RUNX2: variants seen among roughly 807,000 people sequenced by gnomAD.
The protein encoded by RUNX2 is runt-related transcription factor 2.
RUNX2 carries 10 observed loss-of-function variants against 51.7 expected under a neutral mutation model. The observed-to-expected ratio is 0.19, with a 90% CI of 0.12 to 0.33. RUNX2 has a LOEUF of 0.33. RUNX2 is among the 10% of genes least tolerant of loss of function. The probability of loss-of-function intolerance (pLI) is 1.00; values close to 1 mark genes in which losing one functional copy is unlikely to be tolerated. For missense variants in RUNX2, 562 were observed against 691.3 expected (o/e 0.81, Z 2.10); for synonymous variants, 276 against 273.6 (o/e 1.01, Z -0.09).
chr6:45,398,033 T>C (rs1358052690), intron 2 of RUNX2, among the ~76,000 whole-genome samples: 1 of 152,184 alleles, frequency 6.6e-6, no homozygotes, highest in Admixed American at 6.5e-5. Context: ...TGTGTGAAAT[T>C]ATTTTCTCCT....
Position 45,548,481 on chromosome 6 carries a change from A to AGTT in RUNX2, c.*1177_*1178insTTG, listed in dbSNP as rs1802470475. 1 of 152,684 alleles carries AGTT rather than the reference A, an allele frequency of 6.5e-6. No homozygotes were observed. Among genetic ancestry groups the AGTT allele is most frequent in the African/African-American group, 2.4e-5 (1 of 41,460 alleles). The allele number at this position is 152,684 out of a possible 1,614,324, so 9.5% of individuals were successfully genotyped here. On this transcript the variant is annotated 3_prime_UTR_variant, in exon 9 of 9. Coordinates refer to ENST00000647337, the MANE Select transcript of RUNX2 (RefSeq NM_001024630.4). ...TCAGATCTTTGAATGCCTCTAACAC[A>AGTT]GCTTTGCCTTCTAAAGCGGTAATTA...
At chr6:45,523,573 C>A (rs956845370) in intron 7 of RUNX2, among the ~76,000 whole-genome samples, 38 of 151,922 alleles carry the variant, frequency 2.5e-4, no homozygotes, top group Admixed American at 4.6e-4. Context: ...GCCCGGCCTG[C>A]ATGATTATTT....
chr6:45,355,019 G>C (rs945901979), intron 2 of RUNX2, among the ~76,000 whole-genome samples: 2 of 152,052 alleles, frequency 1.3e-5, no homozygotes, highest in African/African-American at 2.4e-5. Context: ...CTGTCACCCA[G>C]GCTAAAGTGC....
chr6:45,443,056 T>C (rs1304825790), intron 5 of RUNX2, among the ~76,000 whole-genome samples: 2 of 141,534 alleles, frequency 1.4e-5, no homozygotes, highest in African/African-American at 2.7e-5. Flanking sequence ...TTTTTTTTTT[T>C]TTTTTTTTGA....
intron 7 of RUNX2, among the ~76,000 whole-genome samples, chr6:45,520,790 G>A (rs949984378): frequency 6.6e-6 from 1 of 151,096 alleles, no homozygotes; most frequent in African/African-American, 2.4e-5. Flanking sequence ...GTGTGATCTC[G>A]GCTCACTACA....
intron 2 of RUNX2, among the ~76,000 whole-genome samples, chr6:45,413,193 G>A (rs1284809691): frequency 2.0e-5 from 3 of 152,180 alleles, no homozygotes; most frequent in African/African-American, 4.8e-5. Context: ...TGTTTGCAAT[G>A]TATTTAAATA....
chr6:45,405,654 G>A (rs1312412309), intron 2 of RUNX2, among the ~76,000 whole-genome samples: 1 of 152,140 alleles, frequency 6.6e-6, no homozygotes, highest in Admixed American at 6.5e-5. Context: ...CCGGGCGGTG[G>A]TGGGCGCCTG....
At chr6:45,374,928 C>T (rs1319428048) in intron 2 of RUNX2, among the ~76,000 whole-genome samples, 4 of 152,106 alleles carry the variant, frequency 2.6e-5, no homozygotes, top group Non-Finnish European at 5.9e-5. Flanking sequence ...TATTTCTGGC[C>T]GGGCACGGTG....
At position 45,339,362 on chromosome 6, in the gene RUNX2, G is replaced by A. The variant is rs1278006129; in HGVS notation, c.58+10578G>A. ...CCCTAGATAAATTAGCCAAGATTGTGAGCCAATAGATAGCCAACTTTTAAT... is the reference window on the plus strand; with the variant it reads ...CCCTAGATAAATTAGCCAAGATTGTAAGCCAATAGATAGCCAACTTTTAAT... On this transcript the variant is annotated intron_variant, in intron 2 of 8. Coordinates refer to ENST00000647337, the MANE Select transcript of RUNX2 (RefSeq NM_001024630.4). Among the ~76,000 whole-genome samples, 4 of 152,120 alleles carry A rather than the reference G, an allele frequency of 2.6e-5. No homozygotes were observed. In the East Asian group the frequency reaches 7.7e-4, roughly 29 times the overall value.
intron 5 of RUNX2, among the ~76,000 whole-genome samples, chr6:45,450,282 C>G (rs1799125411): frequency 6.6e-6 from 1 of 152,180 alleles, no homozygotes; most frequent in Non-Finnish European, 1.5e-5. Flanking sequence ...GTTCCTCCCC[C>G]AACCCTGTCC....
chr6:45,399,988 A>T (rs1395321146), intron 2 of RUNX2, among the ~76,000 whole-genome samples: 7 of 134,882 alleles, frequency 5.2e-5, no homozygotes, highest in Non-Finnish European at 8.0e-5. Context: ...AAGGAAAGAA[A>T]GGAGGGAGGG....
intron 2 of RUNX2, among the ~76,000 whole-genome samples, chr6:45,356,761 A>G (rs888287261): frequency 2.6e-5 from 4 of 152,102 alleles, no homozygotes; most frequent in African/African-American, 4.8e-5. Context: ...ACATCTAGAG[A>G]TAATCAAAAC....
chr6:45,379,401 C>A (rs1213303840), intron 2 of RUNX2, among the ~76,000 whole-genome samples: 1 of 152,152 alleles, frequency 6.6e-6, no homozygotes, highest in Non-Finnish European at 1.5e-5. Flanking sequence ...ATGTTCACAT[C>A]TAAAGAAACA....
At chr6:45,502,654 T>C (rs189395202) in intron 6 of RUNX2, among the ~76,000 whole-genome samples, 7 of 152,308 alleles carry the variant, frequency 4.6e-5, no homozygotes, top group Non-Finnish European at 8.8e-5. Flanking sequence ...GTGCAGCCCC[T>C]GGACTCCACC....
intron 5 of RUNX2, among the ~76,000 whole-genome samples, chr6:45,443,063 T>C (rs969304851): frequency 1.9e-5 from 2 of 105,404 alleles, no homozygotes; most frequent in African/African-American, 7.2e-5. Flanking sequence ...TTTTTTTTTT[T>C]TGAGATGAGG....
intron 2 of RUNX2, among the ~76,000 whole-genome samples, chr6:45,394,131 G>A (rs990991647): frequency 7.3e-5 from 11 of 151,662 alleles, no homozygotes; most frequent in African/African-American, 1.5e-4. Flanking sequence ...CAGGCTGGTC[G>A]TGATCCGCCC....
In RUNX2 at chr6:45,512,242, C is replaced by G. The variant is rs766835044; in HGVS notation, c.860-4C>G. 1.1e-5 allele frequency: 17 copies of G among 1,613,284 alleles called. 1 individual carries two copies. In the South Asian group the frequency reaches 1.9e-4, roughly 18 times the overall value. ...CTAAAGATTTTTCTTTTTCTTTTTC[C>G]CAGACCCCAGGCAGGCACAGTCTTC... is the stretch of plus-strand genomic sequence containing the variant. On this transcript the variant is annotated splice_polypyrimidine_tract_variant and splice_region_variant and intron_variant, in intron 6 of 8. Transcript: ENST00000647337.
At position 45,549,210 on chromosome 6, in the gene RUNX2, C is replaced by T. The variant is rs560110427; in HGVS notation, c.*1905C>T. The T allele has an allele frequency of 6.4e-4, 257 of 398,516 alleles. 1 individual carries two copies. Among genetic ancestry groups the T allele is most frequent in the Non-Finnish European group, 8.6e-4 (194 of 226,056 alleles). 24.7% of individuals were successfully genotyped at this position (398,516 alleles called of 1,614,324 possible). A position where few individuals can be genotyped will look rare whatever the true frequency, so the allele number is the denominator to read the frequency against. On this transcript the variant is annotated 3_prime_UTR_variant, in exon 9 of 9. Transcript: ENST00000647337. ...CCAGGCCAATCCCTGCTCTCCTCCCCGAAAAGTCAGGGTCCCTTCATTGGA... is the reference window on the plus strand; with the variant it reads ...CCAGGCCAATCCCTGCTCTCCTCCCTGAAAAGTCAGGGTCCCTTCATTGGA...
At chr6:45,355,842 AAG>A (rs1458233559) in intron 2 of RUNX2, among the ~76,000 whole-genome samples, 1 of 152,168 alleles carries the variant, frequency 6.6e-6, no homozygotes, top group Admixed American at 6.5e-5. Flanking sequence ...TCCAACCAAA[AAG>A]AATGTTATTT....
Sources: allele counts gnomAD v4.1 joint callset (sites outside exome capture counted in the v4.1 genomes callset), GRCh38; gene constraint gnomAD v4.1.1; transcripts MANE v1.5; gene names NCBI Gene and HGNC (gene_info 2026-07-23, HGNC 2026-07-21).